The following CHSY3 variants were observed in gnomAD, a reference collection of about 807,000 sequenced individuals.
CHSY3 encodes N-acetylgalactosaminyl-proteoglycan 3-beta-glucuronosyltransferase 3.
In CHSY3, 35 loss-of-function variants were observed where a neutral mutation model predicts 67.2. The ratio of observed to expected loss-of-function variants is 0.52; its 90% CI spans 0.40 to 0.69. CHSY3 has a LOEUF of 0.69. Among genes scored for constraint, CHSY3 ranks in the 30% least tolerant of loss-of-function variants. The pLI, the probability that CHSY3 is intolerant of heterozygous loss-of-function variation, is 0.00. For missense variants in CHSY3, 1,069 were observed against 1,138.5 expected, an observed-to-expected ratio of 0.94 and a Z score of 0.88; for synonymous variants, 474 against 434.7, an observed-to-expected ratio of 1.09 and a Z score of -1.12.
chr5:130,158,277 A>G (rs76467269), intron 2 of CHSY3, among the ~76,000 whole-genome samples: 3,752 of 152,248 alleles, frequency 0.025, 145 homozygotes, highest in African/African-American at 0.084. Context: ...TCTGACAATC[A>G]AAGTTGTCTG....
At chr5:129,996,891 G>T (rs528637425) in intron 2 of CHSY3, among the ~76,000 whole-genome samples, 172 of 152,094 alleles carry the variant, frequency 1.1e-3, no homozygotes, top group African/African-American at 3.9e-3. Context: ...AATAAAAGAA[G>T]ATATATTATT....
rs904791756 is a variant in CHSY3, at chr5:129,904,549, T to TGCTGCCGCCGCTGCCGCC, written c.-280_-263dup. 1 of 356,210 alleles carries TGCTGCCGCCGCTGCCGCC rather than the reference T, an allele frequency of 2.8e-6. No individual in the cohort carries two copies. The highest frequency in any genetic ancestry group is 5.0e-5 in the Admixed American group (1 of 19,984). 22.1% of individuals were successfully genotyped at this position (356,210 alleles called of 1,614,324 possible). ...CTCCTGCAGCTCCTCCAGCTGCCGC[T>TGCTGCCGCCGCTGCCGCC]GCTGCCGCCGCTGCCGCCACCGCCG... On this transcript the variant is annotated 5_prime_UTR_variant, in exon 1 of 3. Transcript: ENST00000305031.
chr5:130,106,045 T>C (rs1021197141), intron 2 of CHSY3, among the ~76,000 whole-genome samples: 4 of 151,644 alleles, frequency 2.6e-5, no homozygotes, highest in African/African-American at 9.7e-5. Flanking sequence ...AATATTTTAC[T>C]CTAATATCTT....
At chr5:130,162,803 G>GAT (rs1173554860) in intron 2 of CHSY3, among the ~76,000 whole-genome samples, 1 of 152,178 alleles carries the variant, frequency 6.6e-6, no homozygotes, top group Non-Finnish European at 1.5e-5. Context: ...AATCTTGAAG[G>GAT]ATGGTAGAAA....
chr5:130,121,911 G>T (rs543111797), intron 2 of CHSY3, among the ~76,000 whole-genome samples: 1 of 152,110 alleles, frequency 6.6e-6, no homozygotes, highest in East Asian at 1.9e-4. Flanking sequence ...CTGATTCATG[G>T]CTGAGTGATC....
rs376645999 is a variant in CHSY3 at position 130,185,024 on chromosome 5, A to T, written c.1882A>T (p.Ile628Phe). The T allele has an allele frequency of 4.4e-6, 7 of 1,579,876 alleles. No individual in the cohort carries two copies. The highest frequency in any genetic ancestry group is 4.0e-5 in the African/African-American group (3 of 74,148). ...EKKVHILVPLIGRYDIFLRFM... is the reference protein window; with the variant it reads ...EKKVHILVPLFGRYDIFLRFM... ...GAAAGTACACATTCTCGTTCCTCTC[A>T]TCGGAAGGTATGACATTTTCTTGAG... The change falls in exon 3 of 3, where the codon ATC becomes TTC. Residue 628 changes from isoleucine (I) to phenylalanine (F), a missense_variant. This residue lies in a region of CHSY3 where 401 missense variants were observed against 395.2 expected (regional missense o/e 1.01). Coordinates refer to ENST00000305031, the MANE Select transcript of CHSY3 (RefSeq NM_175856.5).
Position 129,904,577 on chromosome 5 carries a change from G to A in CHSY3, c.-253G>A, listed in dbSNP as rs1000821580. 8.8e-6 allele frequency: 4 copies of A among 456,374 alleles called. No homozygotes were observed. Among genetic ancestry groups the A allele is most frequent in the South Asian group, 9.2e-5 (1 of 10,844 alleles). The allele number at this position is 456,374 out of a possible 1,614,324, so 28.3% of individuals were successfully genotyped here. A position where few individuals can be genotyped will look rare whatever the true frequency, so the allele number is the denominator to read the frequency against. Reference sequence around the variant, plus strand: ...TGCCGCCGCTGCCGCCACCGCCGCCGCCGGGAGAAGTTTCACTCCCGACCC... The same window carrying A: ...TGCCGCCGCTGCCGCCACCGCCGCCACCGGGAGAAGTTTCACTCCCGACCC... On this transcript the variant is annotated 5_prime_UTR_variant, in exon 1 of 3. Coordinates refer to ENST00000305031, the MANE Select transcript of CHSY3 (RefSeq NM_175856.5).
At chr5:130,024,456 G>C (rs1307510103) in intron 2 of CHSY3, among the ~76,000 whole-genome samples, 1 of 152,022 alleles carries the variant, frequency 6.6e-6, no homozygotes, top group African/African-American at 2.4e-5. Flanking sequence ...CAATTAGTTT[G>C]GGAAGTGTTT....
chr5:130,139,589 CAT>C (rs1191116713), intron 2 of CHSY3, among the ~76,000 whole-genome samples: 1 of 152,162 alleles, frequency 6.6e-6, no homozygotes, highest in East Asian at 1.9e-4. Flanking sequence ...CTAATGAGAA[CAT>C]GTGGCTGCCC....
intron 2 of CHSY3, among the ~76,000 whole-genome samples, chr5:130,053,821 A>G (rs1294866707): frequency 1.3e-5 from 2 of 152,178 alleles, no homozygotes; most frequent in Non-Finnish European, 2.9e-5. Flanking sequence ...AGATGAGCTC[A>G]CTTTTAGGTG....
intron 2 of CHSY3, among the ~76,000 whole-genome samples, chr5:130,086,058 G>T (rs1417291259): frequency 6.6e-6 from 1 of 151,974 alleles, no homozygotes; most frequent in Non-Finnish European, 1.5e-5. Context: ...AATAGGTGTG[G>T]TGTGGTGCTG....
At chr5:129,946,040 T>TAGC (rs1262941668) in intron 2 of CHSY3, among the ~76,000 whole-genome samples, 2 of 152,284 alleles carry the variant, frequency 1.3e-5, no homozygotes, top group African/African-American at 2.4e-5. Flanking sequence ...GTGACTTGAA[T>TAGC]AGCAGCACAG....
chr5:129,958,904 A>C (rs554506161), intron 2 of CHSY3, among the ~76,000 whole-genome samples: 1 of 152,184 alleles, frequency 6.6e-6, no homozygotes, highest in East Asian at 1.9e-4. Context: ...TGAATGCCAT[A>C]AATTGGTAAA....
chr5:130,104,661 T>C (rs1767357713), intron 2 of CHSY3, among the ~76,000 whole-genome samples: 1 of 151,800 alleles, frequency 6.6e-6, no homozygotes, highest in South Asian at 2.1e-4. Flanking sequence ...CTGGCACTAA[T>C]GTGAGACAAG....
At chr5:130,017,662 A>G (rs1409331527) in intron 2 of CHSY3, among the ~76,000 whole-genome samples, 1 of 152,076 alleles carries the variant, frequency 6.6e-6, no homozygotes, top group East Asian at 1.9e-4. Context: ...GTTTACATTT[A>G]TTTATTTTAT....
At chr5:130,034,051 T>A (rs1272901701) in intron 2 of CHSY3, among the ~76,000 whole-genome samples, 1 of 152,168 alleles carries the variant, frequency 6.6e-6, no homozygotes, top group Non-Finnish European at 1.5e-5. Context: ...AAACTAAATC[T>A]TGCTTTTAAC....
intron 2 of CHSY3, among the ~76,000 whole-genome samples, chr5:130,097,314 G>A (rs1226557855): frequency 6.6e-6 from 1 of 152,206 alleles, no homozygotes; most frequent in Non-Finnish European, 1.5e-5. Context: ...GTCAGCCAGT[G>A]TGGACAGACA....
At chr5:130,166,482 A>G (rs1177403161) in intron 2 of CHSY3, among the ~76,000 whole-genome samples, 1 of 152,156 alleles carries the variant, frequency 6.6e-6, no homozygotes, top group Non-Finnish European at 1.5e-5. Context: ...GGATATATCA[A>G]TGTAATTAGA....
At chr5:130,088,790 C>T (rs1766765022) in intron 2 of CHSY3, among the ~76,000 whole-genome samples, 2 of 152,106 alleles carry the variant, frequency 1.3e-5, no homozygotes, top group African/African-American at 4.8e-5. Flanking sequence ...TAAACTAGTT[C>T]AACCATTATG....
Sources: allele counts gnomAD v4.1 joint callset (sites outside exome capture counted in the v4.1 genomes callset), GRCh38; gene constraint gnomAD v4.1.1; regional missense constraint gnomAD v4.1.1; transcripts MANE v1.5; gene names NCBI Gene and HGNC (gene_info 2026-07-23, HGNC 2026-07-21).